LY75: variants seen among roughly 807,000 people sequenced by gnomAD.
LY75 encodes lymphocyte antigen 75, also known as C-type lectin domain family 13 member B.
A neutral mutation model predicts 231.7 loss-of-function variants in LY75; 185 were observed. That is an observed-to-expected ratio of 0.80 (90% CI 0.71 to 0.90). The LOEUF (loss-of-function observed/expected upper bound fraction) is 0.90, where lower values mean the gene tolerates loss of function less well. LY75 is among the 40% of genes least tolerant of loss of function. The pLI is 0.00. For synonymous variants in LY75, 668 were observed against 689.0 expected (o/e 0.97, Z 0.48); for missense variants, 1,947 against 2,050.2 (o/e 0.95, Z 0.97).
Position 159,858,478 on chromosome 2 carries a change from T to C in LY75, c.2269-2A>G. The C allele has an allele frequency of 6.2e-7, 1 of 1,608,014 alleles. No homozygotes were observed. The highest frequency in any genetic ancestry group is 8.5e-7 in the Non-Finnish European group (1 of 1,178,294). On this transcript the variant is annotated splice_acceptor_variant, in intron 15 of 34. Coordinates refer to ENST00000263636, the MANE Select transcript of LY75 (RefSeq NM_002349.4). LOFTEE classifies it high-confidence loss of function. ...TCTTCGCCATGGCCTATGAAATACC[T>C]ATAAGAGGAAAAGTATTGCAGAATA...
At chr2:159,887,523 A>G (rs1560102203) in intron 4 of LY75, among the ~76,000 whole-genome samples, 1 of 145,542 alleles carries the variant, frequency 6.9e-6, no homozygotes, top group African/African-American at 2.5e-5. Flanking sequence ...GTGCCACTGC[A>G]CTCCATCCTA....
chr2:159,870,372 G>A (rs759155958), intron 13 of LY75, among the ~76,000 whole-genome samples: 3 of 152,140 alleles, frequency 2.0e-5, no homozygotes, highest in Non-Finnish European at 4.4e-5. Context: ...GATTACCTGA[G>A]TCTGGGAGGT....
chr2:159,816,947 T>C lies in LY75; in HGVS notation c.4239A>G (p.Val1413=). Residue 1413 remains valine (V), a synonymous_variant, in exon 30 of 35, where the codon GTA becomes GTG. Coordinates refer to ENST00000263636, the MANE Select transcript of LY75 (RefSeq NM_002349.4). ...ACATGTTTAATGCTTCATACCATGT[T>C]ACCTTTTTTTGAATAACACTGTAAA... The part of the protein sequence containing the change: ...DGIYSVIQKK[V]TWYEALNMCS... The C allele has an allele frequency of 2.5e-6, 4 of 1,614,200 alleles. No individual in the cohort carries two copies. Among genetic ancestry groups the C allele is most frequent in the Non-Finnish European group, 3.4e-6 (4 of 1,180,024 alleles).
chr2:159,814,690 AAAAAGAAAAGAAAAGAAAGG>A (rs1416673831), intron 31 of LY75, among the ~76,000 whole-genome samples: 1 of 151,268 alleles, frequency 6.6e-6, no homozygotes, highest in East Asian at 1.9e-4. Context: ...TAAGAAAAGA[AAAAAGAAAAGAAAAGAAAGG>A]AAAAGAAAAG....
At chr2:159,899,191 G>A in intron 1 of LY75, 132 bp from the exon 2 acceptor site, 2 of 1,482,068 alleles carry the variant, frequency 1.3e-6, no homozygotes, top group African/African-American at 1.4e-5. Flanking sequence ...AAGCTGCAGG[G>A]GACTACAAAA....
intron 28 of LY75, among the ~76,000 whole-genome samples, chr2:159,831,310 C>A (rs1683650379): frequency 1.3e-5 from 2 of 152,182 alleles, no homozygotes; most frequent in Non-Finnish European, 2.9e-5. Flanking sequence ...GTTTCCCATT[C>A]GCCTCTGACA....
At chr2:159,892,551 G>C (rs1342428167) in intron 3 of LY75, among the ~76,000 whole-genome samples, 1 of 152,176 alleles carries the variant, frequency 6.6e-6, no homozygotes, top group Non-Finnish European at 1.5e-5. Flanking sequence ...ACACCTGGCA[G>C]AGCCCTGTTA....
In LY75 at chr2:159,862,193, G is replaced by A. The variant is rs187195350; in HGVS notation, c.2200-1304C>T. Among the ~76,000 whole-genome samples the A allele has an allele frequency of 4.4e-3, 663 of 152,070 alleles. 9 individuals are homozygous for A. The highest frequency in any genetic ancestry group is 3.8e-3 in the Non-Finnish European group (257 of 67,986). ...TGAAGTCCCAGCCACTCAGGAGGCT[G>A]AGGCAGGAGAATGGTGTGAACCCGG... On this transcript the variant is annotated intron_variant, in intron 14 of 34. Coordinates refer to ENST00000263636, the MANE Select transcript of LY75 (RefSeq NM_002349.4).
At chr2:159,808,417 T>C (rs1442265209) in intron 33 of LY75, 32 bp downstream of exon 33, 1 of 1,613,262 alleles carries the variant, frequency 6.2e-7, no homozygotes, top group Admixed American at 1.7e-5. Context: ...AGAACTCTCT[T>C]TGCACACTAC....
chr2:159,864,733 G>C, intron 14 of LY75, 106 bp downstream of exon 14: 1 of 1,122,606 alleles, frequency 8.9e-7, no homozygotes, highest in Non-Finnish European at 1.2e-6. Context: ...AGGGTCTTTT[G>C]TGGTTCCATA....
intron 20 of LY75, among the ~76,000 whole-genome samples, chr2:159,852,675 T>A (rs1009829668): frequency 5.3e-5 from 8 of 152,272 alleles, no homozygotes; most frequent in Middle Eastern, 3.4e-3. Flanking sequence ...TGCCTCAGCC[T>A]CCCAAAGTGC....
chr2:159,805,632 T>G (rs1682768796), intron 34 of LY75, among the ~76,000 whole-genome samples: 1 of 152,236 alleles, frequency 6.6e-6, no homozygotes, highest in South Asian at 2.1e-4. Context: ...AAAGTGTTAT[T>G]TGCTTCAAAA....
At chr2:159,819,035 A>G (rs902879050) in intron 29 of LY75, among the ~76,000 whole-genome samples, 1 of 152,138 alleles carries the variant, frequency 6.6e-6, no homozygotes, top group Non-Finnish European at 1.5e-5. Flanking sequence ...CATGCACTCA[A>G]AGTAGGTTAG....
intron 4 of LY75, among the ~76,000 whole-genome samples, chr2:159,888,490 C>T (rs924749682): frequency 1.7e-4 from 26 of 152,106 alleles, no homozygotes; most frequent in Non-Finnish European, 2.9e-5. Flanking sequence ...GGATCAATTT[C>T]CTTATCTAGT....
intron 2 of LY75, among the ~76,000 whole-genome samples, chr2:159,897,399 C>T (rs1221939942): frequency 6.6e-6 from 1 of 152,190 alleles, no homozygotes; most frequent in East Asian, 1.9e-4. Flanking sequence ...CAAAAAGCAA[C>T]TGCTTTACTT....
At chr2:159,819,956 TA>T (rs1243509670) in intron 28 of LY75, 36 bp from the exon 29 acceptor site, 1 of 1,549,424 alleles carries the variant, frequency 6.5e-7, no homozygotes, top group African/African-American at 1.4e-5. Flanking sequence ...GCTTAGAGAT[TA>T]AATCAAGACT....
chr2:159,861,963 T>G (rs1259962589), intron 14 of LY75, among the ~76,000 whole-genome samples: 1 of 151,974 alleles, frequency 6.6e-6, no homozygotes, highest in Admixed American at 6.6e-5. Context: ...GAGACCAGCC[T>G]GGGCAACATG....
At chr2:159,811,044 T>C (rs1682944027) in intron 31 of LY75, among the ~76,000 whole-genome samples, 1 of 152,178 alleles carries the variant, frequency 6.6e-6, no homozygotes, top group Non-Finnish European at 1.5e-5. Flanking sequence ...TTGTTTATTA[T>C]TATTTTTTTT....
In LY75 at chr2:159,816,903, T is replaced by C; in HGVS notation, c.4283A>G (p.His1428Arg). Residue 1428 changes from histidine to arginine, a missense_variant, in exon 30 of 35, where the codon CAC becomes CGC. Coordinates refer to ENST00000263636, the MANE Select transcript of LY75 (RefSeq NM_002349.4). The part of the protein sequence containing the change: ...ALNMCSQSGG[H>R]LASVHNQNGQ... ...ATTTTGGTTGTGAACGCTTGCCAAG[T>C]GACCTCCACTTTGAGAACACATGTT... The C allele has an allele frequency of 6.2e-7, 1 of 1,614,206 alleles. No homozygotes were observed. Among genetic ancestry groups the C allele is most frequent in the Non-Finnish European group, 8.5e-7 (1 of 1,180,014 alleles).
Sources: allele counts gnomAD v4.1 joint callset (sites outside exome capture counted in the v4.1 genomes callset), GRCh38; gene constraint gnomAD v4.1.1; transcripts MANE v1.5; gene names NCBI Gene and HGNC (gene_info 2026-07-23, HGNC 2026-07-21).